Variants in ANK2 observed in about 807,000 individuals in gnomAD.
ANK2 encodes the protein ankyrin-2.
Under a neutral mutation model 360.5 loss-of-function variants are expected in ANK2, and 83 were observed. The ratio of observed to expected loss-of-function variants is 0.23; its 90% CI spans 0.19 to 0.28. The LOEUF (loss-of-function observed/expected upper bound fraction) is 0.28, where lower values mean the gene tolerates loss of function less well. Ranked by LOEUF, ANK2 falls within the 10% of genes least tolerant of loss-of-function variation. The pLI is 1.00. For missense variants in ANK2, 4,201 were observed against 4,795.7 expected (o/e 0.88, Z 3.66); for synonymous variants, 1,740 against 1,759.5 (o/e 0.99, Z 0.28).
At chr4:113,376,836 G>A (rs1215859873) in intron 45 of ANK2, among the ~76,000 whole-genome samples, 7 of 119,428 alleles carry the variant, frequency 5.9e-5, no homozygotes, top group African/African-American at 1.8e-4. Flanking sequence ...AAAAACAAAG[G>A]CCTAAGCATG....
chr4:113,094,587 T>C (rs569735919), intron 1 of ANK2, among the ~76,000 whole-genome samples: 1 of 152,204 alleles, frequency 6.6e-6, no homozygotes, highest in Non-Finnish European at 1.5e-5. Context: ...CTGCAGTGTA[T>C]TACAGTTATC....
intron 4 of ANK2, among the ~76,000 whole-genome samples, chr4:113,220,188 G>A (rs1283566057): frequency 1.3e-5 from 2 of 152,148 alleles, no homozygotes; most frequent in East Asian, 3.9e-4. Flanking sequence ...AAGAGAATTC[G>A]AGTTTGGTGG....
rs148672278 is a variant in ANK2 at position 113,258,384 on chromosome 4, C to T, written c.1359C>T (p.Asn453=). The part of the protein sequence containing the change: ...HLNIVLLLLQ[N]GASPDVTNIR... ...ACATTGTCCTCCTTCTGCTGCAGAA[C>T]GGAGCCTCTCCAGATGTCACTAACA... The change falls in exon 13 of 46, where the codon AAC becomes AAT. Residue 453 remains asparagine (N), a synonymous_variant. Coordinates refer to ENST00000357077, the MANE Select transcript of ANK2 (RefSeq NM_001148.6). The T allele has an allele frequency of 1.2e-5, 19 of 1,613,944 alleles. No homozygotes were observed. Among genetic ancestry groups the T allele is most frequent in the African/African-American group, 1.1e-4 (8 of 74,910 alleles).
the ANK2 span, among the ~76,000 whole-genome samples, chr4:112,710,865 G>A: frequency 2.0e-5 from 3 of 150,044 alleles, no homozygotes; most frequent in South Asian, 4.2e-4. Flanking sequence ...ATATTTCTGA[G>A]AATGAATGGG....
At chr4:113,293,415 T>A in intron 21 of ANK2, 25 bp from the exon 22 acceptor site, 1 of 1,595,768 alleles carries the variant, frequency 6.3e-7, no homozygotes, top group Non-Finnish European at 8.6e-7. Flanking sequence ...TATTTCTCAC[T>A]CTCTCTCTTT....
intron 43 of ANK2, among the ~76,000 whole-genome samples, chr4:113,371,048 T>C (rs958235632): frequency 2.0e-5 from 3 of 152,130 alleles, no homozygotes; most frequent in Non-Finnish European, 2.9e-5. Flanking sequence ...TAAAAAGTAA[T>C]AGAATTCAAA....
intron 2 of ANK2, among the ~76,000 whole-genome samples, chr4:113,039,735 G>T (rs2062484189): frequency 6.6e-6 from 1 of 151,916 alleles, no homozygotes; most frequent in Non-Finnish European, 1.5e-5. Flanking sequence ...AGCCTAGGGG[G>T]TTCCAATTTT....
intron 1 of ANK2, among the ~76,000 whole-genome samples, chr4:113,170,300 A>G (rs1434955147): frequency 2.0e-5 from 3 of 152,214 alleles, no homozygotes; most frequent in African/African-American, 7.2e-5. Flanking sequence ...ATCTGAGCAT[A>G]TGTTAATATG....
intron 22 of ANK2, among the ~76,000 whole-genome samples, 153 bp downstream of exon 22, chr4:113,293,691 CA>C (rs1280156381): frequency 6.6e-6 from 1 of 152,242 alleles, no homozygotes; most frequent in Non-Finnish European, 1.5e-5. Flanking sequence ...TAGGCGTATG[CA>C]GAAGTAAATG....
intron 23 of ANK2, among the ~76,000 whole-genome samples, chr4:113,306,270 C>A (rs1405747209): frequency 6.6e-6 from 1 of 152,064 alleles, no homozygotes; most frequent in Non-Finnish European, 1.5e-5. Flanking sequence ...CATGAACGTG[C>A]TAAGAGATGA....
At chr4:112,806,816 G>A in the ANK2 span, among the ~76,000 whole-genome samples, 1 of 152,098 alleles carries the variant, frequency 6.6e-6, no homozygotes, top group African/African-American at 2.4e-5. Flanking sequence ...AGGTGACAGA[G>A]TGAGACCTTG....
At position 113,330,283 on chromosome 4, in the gene ANK2, G is replaced by T; in HGVS notation, c.2938G>T (p.Ala980Ser). 1 of 1,614,178 alleles carries T rather than the reference G, an allele frequency of 6.2e-7. No homozygotes were observed. Among genetic ancestry groups the T allele is most frequent in the Non-Finnish European group, 8.5e-7 (1 of 1,180,016 alleles). Residue 980 changes from alanine (A) to serine (S), a missense_variant, in exon 27 of 46, where the codon GCT becomes TCT. By Grantham distance (99) the Ala-to-Ser change is moderately conservative. Coordinates refer to ENST00000357077, the MANE Select transcript of ANK2 (RefSeq NM_001148.6). ...TTTTATGGTGGATGCCCGAGGTGGT[G>T]CTATGCGAGGATGCAGACACAATGG... ...VSFMVDARGG[A>S]MRGCRHNGLR...
At chr4:113,232,462 G>C (rs1166674374) in intron 5 of ANK2, among the ~76,000 whole-genome samples, 4 of 152,110 alleles carry the variant, frequency 2.6e-5, no homozygotes, top group African/African-American at 4.8e-5. Flanking sequence ...TTTTGGATTC[G>C]TGTCTATTTA....
In ANK2 at chr4:112,975,084, G is replaced by A. The variant is rs534517141; in HGVS notation, c.21+70570G>A. Among the ~76,000 whole-genome samples the A allele has an allele frequency of 2.6e-5, 4 of 152,214 alleles. No individual in the cohort carries two copies. The East Asian group carries it at 7.7e-4, about 29-fold the overall frequency. ...CAGCCCAGTCCCTTTCATATATCAC[G>A]TTGCTTTTCATCCAGTCCGGGAAAT... On this transcript the variant is annotated intron_variant, in intron 2 of 30. Transcript: ENST00000503271.
chr4:112,887,150 T>A (rs2078648964), intron 1 of ANK2, among the ~76,000 whole-genome samples: 1 of 152,238 alleles, frequency 6.6e-6, no homozygotes, highest in African/African-American at 2.4e-5. Flanking sequence ...TTATTTTCTT[T>A]CCTTGGCTGA....
the ANK2 span, among the ~76,000 whole-genome samples, chr4:112,719,028 T>A: frequency 1.3e-5 from 2 of 152,228 alleles, no homozygotes; most frequent in South Asian, 4.1e-4. Flanking sequence ...AGATTACCAT[T>A]CATATATTCA....
rs141333058 is a variant in ANK2, at chr4:113,128,071, TG to T, written c.85-46344del. 2.3e-3 allele frequency among the ~76,000 whole-genome samples: 345 copies of T among 152,334 alleles called. 2 individuals carry two copies. Among genetic ancestry groups the T allele is most frequent in the African/African-American group, 6.8e-3 (282 of 41,574 alleles). Reference sequence around the variant, plus strand: ...CACATTGCTTTATATGTGGTAAGTTTGAAGTGGTGGCAGGATGATGTTTATT... The same window carrying T: ...CACATTGCTTTATATGTGGTAAGTTTAAGTGGTGGCAGGATGATGTTTATT... On this transcript the variant is annotated intron_variant, in intron 1 of 45. Coordinates refer to ENST00000357077, the MANE Select transcript of ANK2 (RefSeq NM_001148.6).
Position 113,355,203 on chromosome 4 carries a change from C to T in ANK2, c.6585C>T (p.Ser2195=), listed in dbSNP as rs147316211. 21 of 1,614,084 alleles carry T rather than the reference C, an allele frequency of 1.3e-5. No individual in the cohort carries two copies. Among genetic ancestry groups the T allele is most frequent in the East Asian group, 6.7e-5 (3 of 44,882 alleles). Residue 2195 remains serine, a synonymous_variant, in exon 38 of 46, where the codon AGC becomes AGT. Coordinates refer to ENST00000357077, the MANE Select transcript of ANK2 (RefSeq NM_001148.6). ...TCCTTCCAGCTCTGTCTTTACAAAG[C>T]GGTGCTTTAGATGGCAGTTCTGAAA... The part of the protein sequence containing the change: ...DEFLPALSLQ[S]GALDGSSESL...
intron 1 of ANK2, among the ~76,000 whole-genome samples, chr4:112,839,995 ATAAT>A (rs2061763808): frequency 6.6e-6 from 1 of 152,166 alleles, no homozygotes; most frequent in African/African-American, 2.4e-5. Context: ...TCATTCGATA[ATAAT>A]TGTGATTCAT....
Sources: gnomAD v4.1 joint callset for allele counts (sites outside exome capture counted in the v4.1 genomes callset) on GRCh38, gnomAD v4.1.1 for gene constraint, MANE v1.5 for transcripts, NCBI Gene and HGNC (gene_info 2026-07-23, HGNC 2026-07-21) for gene names.